The following STXBP5L variants were observed in gnomAD, a reference collection of about 807,000 sequenced individuals.
STXBP5L encodes syntaxin-binding protein 5-like.
Under a neutral mutation model 144.5 loss-of-function variants are expected in STXBP5L, and 65 were observed. That is an observed-to-expected ratio of 0.45 (90% CI 0.37 to 0.55). The LOEUF (loss-of-function observed/expected upper bound fraction) is 0.55, where lower values mean the gene tolerates loss of function less well. Among genes scored for constraint, STXBP5L ranks in the 20% least tolerant of loss-of-function variants. The probability of loss-of-function intolerance (pLI) is 0.00; values close to 1 mark genes in which losing one functional copy is unlikely to be tolerated. For synonymous variants in STXBP5L, 505 were observed against 469.6 expected (o/e 1.08, Z -0.97); for missense variants, 1,298 against 1,405.5 (o/e 0.92, Z 1.22).
At chr3:121,134,719 T>C (rs1004054849) in intron 7 of STXBP5L, among the ~76,000 whole-genome samples, 44 of 152,334 alleles carry the variant, frequency 2.9e-4, no homozygotes, top group African/African-American at 9.1e-4. Flanking sequence ...TCCATGTCCC[T>C]GCAAAGGACA....
intron 5 of STXBP5L, among the ~76,000 whole-genome samples, chr3:121,054,589 T>C (rs1206472477): frequency 2.3e-5 from 2 of 85,546 alleles, no homozygotes; most frequent in African/African-American, 9.8e-5. Context: ...GGGCCTGTTG[T>C]GGGGTGGGGG....
chr3:121,025,082 A>G (rs1431843128), intron 3 of STXBP5L, among the ~76,000 whole-genome samples: 2 of 152,174 alleles, frequency 1.3e-5, no homozygotes, highest in Non-Finnish European at 2.9e-5. Flanking sequence ...GAGAAAATGA[A>G]AAAGTAATTT....
At chr3:120,995,922 C>A (rs1021231622) in intron 3 of STXBP5L, among the ~76,000 whole-genome samples, 1 of 152,022 alleles carries the variant, frequency 6.6e-6, no homozygotes, top group African/African-American at 2.4e-5. Flanking sequence ...ATTCCTTTAG[C>A]CATTTTCAAG....
intron 3 of STXBP5L, among the ~76,000 whole-genome samples, chr3:121,030,728 C>A (rs1946307923): frequency 6.6e-6 from 1 of 152,012 alleles, no homozygotes; most frequent in Non-Finnish European, 1.5e-5. Context: ...AACTACTGAT[C>A]AGAAATTCTC....
intron 5 of STXBP5L, among the ~76,000 whole-genome samples, chr3:121,106,039 A>G (rs1240459551): frequency 6.6e-6 from 1 of 152,190 alleles, no homozygotes; most frequent in Non-Finnish European, 1.5e-5. Flanking sequence ...TGTTTTGATC[A>G]TTAATGGCCC....
chr3:120,965,148 C>A (rs561232900), intron 3 of STXBP5L, among the ~76,000 whole-genome samples: 1 of 152,254 alleles, frequency 6.6e-6, no homozygotes, highest in Non-Finnish European at 1.5e-5. Context: ...CTTCCTCCAT[C>A]TCTTTATTTT....
At chr3:121,098,033 A>G (rs1461755581) in intron 5 of STXBP5L, among the ~76,000 whole-genome samples, 2 of 152,172 alleles carry the variant, frequency 1.3e-5, no homozygotes, top group Non-Finnish European at 2.9e-5. Context: ...TGTTTTTTAA[A>G]TGAAAATGCA....
At chr3:121,118,530 T>C (rs1281951407) in intron 6 of STXBP5L, among the ~76,000 whole-genome samples, 1 of 151,646 alleles carries the variant, frequency 6.6e-6, no homozygotes, top group Non-Finnish European at 1.5e-5. Context: ...TTTTATAACA[T>C]GAAAGGTCTT....
intron 5 of STXBP5L, among the ~76,000 whole-genome samples, chr3:121,077,827 G>A (rs1419671969): frequency 4.6e-5 from 7 of 152,022 alleles, no homozygotes; most frequent in Non-Finnish European, 8.8e-5. Flanking sequence ...ATAGAGTGTC[G>A]ATTGGTGCAT....
chr3:121,177,336 A>G (rs899911076), intron 9 of STXBP5L, among the ~76,000 whole-genome samples: 3 of 152,130 alleles, frequency 2.0e-5, no homozygotes, highest in Non-Finnish European at 4.4e-5. Flanking sequence ...CTGAGTGGGG[A>G]AAAATATTTC....
chr3:121,030,229 A>T (rs1025332522), intron 3 of STXBP5L, among the ~76,000 whole-genome samples: 1 of 152,144 alleles, frequency 6.6e-6, no homozygotes, highest in African/African-American at 2.4e-5. Context: ...ACATGCACAC[A>T]TATGTTTATT....
chr3:121,093,218 T>G (rs893998634), intron 5 of STXBP5L, among the ~76,000 whole-genome samples: 2 of 152,206 alleles, frequency 1.3e-5, no homozygotes, highest in East Asian at 3.9e-4. Context: ...ATCAAGGACA[T>G]TGGTCTAAAA....
chr3:121,327,594 G>A (rs2044191161), intron 20 of STXBP5L, among the ~76,000 whole-genome samples: 1 of 152,088 alleles, frequency 6.6e-6, no homozygotes, highest in African/African-American at 2.4e-5. Flanking sequence ...ATGTAACTAG[G>A]TAAGTGATTA....
At chr3:121,064,439 G>A (rs187297955) in intron 5 of STXBP5L, among the ~76,000 whole-genome samples, 22 of 152,314 alleles carry the variant, frequency 1.4e-4, no homozygotes, top group Middle Eastern at 6.8e-3. Context: ...AGCCGCTCTT[G>A]CATTTCTGTT....
At chr3:121,019,473 A>G (rs984605938) in intron 3 of STXBP5L, among the ~76,000 whole-genome samples, 1 of 152,114 alleles carries the variant, frequency 6.6e-6, no homozygotes, top group Admixed American at 6.5e-5. Context: ...CACAAAACCA[A>G]CACACTTACC....
chr3:120,975,559 G>T (rs1940881125), intron 3 of STXBP5L, among the ~76,000 whole-genome samples: 1 of 151,976 alleles, frequency 6.6e-6, no homozygotes, highest in Admixed American at 6.6e-5. Flanking sequence ...TGATTGCCCT[G>T]GCCAGAACTT....
chr3:121,137,501 AT>A (rs2045314587), intron 7 of STXBP5L, among the ~76,000 whole-genome samples: 1 of 152,182 alleles, frequency 6.6e-6, no homozygotes, highest in African/African-American at 2.4e-5. Context: ...CTACAGGCAA[AT>A]ATTCCTGATG....
At chr3:121,334,654 G>A (rs1315345206) in intron 20 of STXBP5L, among the ~76,000 whole-genome samples, 1 of 152,110 alleles carries the variant, frequency 6.6e-6, no homozygotes, top group Admixed American at 6.6e-5. Context: ...AATCAAGTAG[G>A]CTTTATCCCT....
intron 5 of STXBP5L, among the ~76,000 whole-genome samples, chr3:121,056,171 TA>T (rs1455060160): frequency 2.6e-5 from 4 of 152,134 alleles, no homozygotes; most frequent in African/African-American, 7.2e-5. Context: ...ATTTTAAACC[TA>T]AATAGGGAAG....
Sources: allele counts gnomAD v4.1 joint callset (sites outside exome capture counted in the v4.1 genomes callset), GRCh38; gene constraint gnomAD v4.1.1; transcripts MANE v1.5; gene names NCBI Gene and HGNC (gene_info 2026-07-23, HGNC 2026-07-21).